CACNA1C: variants seen among roughly 807,000 people sequenced by gnomAD.
The protein encoded by CACNA1C is voltage-dependent L-type calcium channel subunit alpha-1C.
Under a neutral mutation model 229.0 loss-of-function variants are expected in CACNA1C, and 30 were observed. The ratio of observed to expected loss-of-function variants is 0.13; its 90% CI spans 0.10 to 0.18. CACNA1C has a LOEUF of 0.18. Among genes scored for constraint, CACNA1C ranks in the 10% least tolerant of loss-of-function variants. The probability of loss-of-function intolerance (pLI) is 1.00; values close to 1 mark genes in which losing one functional copy is unlikely to be tolerated. For synonymous variants in CACNA1C, 1,114 were observed against 1,132.5 expected (o/e 0.98, Z 0.33); for missense variants, 1,658 against 2,845.0 (o/e 0.58, Z 9.49).
At chr12:2,056,143 G>T (rs1184800225) in intron 1 of CACNA1C, among the ~76,000 whole-genome samples, 1 of 152,070 alleles carries the variant, frequency 6.6e-6, no homozygotes, top group African/African-American at 2.4e-5. Flanking sequence ...GAATGCACCA[G>T]TCCTTGCTCC....
chr12:2,675,017 T>C (rs2096732669), intron 39 of CACNA1C, among the ~76,000 whole-genome samples: 1 of 152,216 alleles, frequency 6.6e-6, no homozygotes, highest in Non-Finnish European at 1.5e-5. Flanking sequence ...AGGATTGCTC[T>C]AAGGCCCTCA....
At chr12:2,558,279 G>C (rs1316954472) in intron 11 of CACNA1C, among the ~76,000 whole-genome samples, 3 of 152,194 alleles carry the variant, frequency 2.0e-5, no homozygotes, top group African/African-American at 7.2e-5. Flanking sequence ...GCTGCATGGG[G>C]CTAGGCTGAA....
intron 3 of CACNA1C, among the ~76,000 whole-genome samples, chr12:2,196,747 A>G (rs1164690841): frequency 6.6e-6 from 1 of 152,228 alleles, no homozygotes; most frequent in Non-Finnish European, 1.5e-5. Context: ...TGTGAGGGCC[A>G]TGAGGAGCAA....
At chr12:2,526,888 C>A (rs2099819361) in intron 9 of CACNA1C, among the ~76,000 whole-genome samples, 1 of 152,306 alleles carries the variant, frequency 6.6e-6, no homozygotes, top group Non-Finnish European at 1.5e-5. Context: ...AGAAAAGTAA[C>A]CCCAGCAAAG....
chr12:2,482,909 T>C (rs1200722076), intron 5 of CACNA1C, among the ~76,000 whole-genome samples: 1 of 152,246 alleles, frequency 6.6e-6, no homozygotes, highest in Non-Finnish European at 1.5e-5. Flanking sequence ...GTTACCCTCC[T>C]GCCTGTGCCT....
intron 5 of CACNA1C, among the ~76,000 whole-genome samples, chr12:2,460,606 T>A (rs146716010): frequency 6.6e-6 from 1 of 152,290 alleles, no homozygotes; most frequent in Non-Finnish European, 1.5e-5. Flanking sequence ...GGTAGACGTG[T>A]CTTGTAGTGG....
chr12:2,238,716 C>T (rs540840500), intron 3 of CACNA1C, among the ~76,000 whole-genome samples: 1 of 152,228 alleles, frequency 6.6e-6, no homozygotes, highest in East Asian at 1.9e-4. Flanking sequence ...AAGGTGTTCC[C>T]CATCTAGGTA....
In CACNA1C at chr12:2,605,444, C is replaced by T. The variant is rs762039976; in HGVS notation, c.3049-235C>T. Among the ~76,000 whole-genome samples, 27 of 152,192 alleles carry T rather than the reference C, an allele frequency of 1.8e-4. No homozygotes were observed. The highest frequency in any genetic ancestry group is 3.7e-4 in the Non-Finnish European group (25 of 68,042). On this transcript the variant is annotated intron_variant, in intron 23 of 46. Coordinates refer to ENST00000399655, the MANE Select transcript of CACNA1C (RefSeq NM_000719.7). This position sits in a 1 kb window ranked among gnomAD's most constrained non-coding sequence, Gnocchi z 6.2. ...GGTGCCACCATCCCTATATTCCTTC[C>T]ACTGTAAGATGGGAGGTTGGCAGGA...
intron 3 of CACNA1C, among the ~76,000 whole-genome samples, chr12:2,191,748 G>A (rs111211641): frequency 0.01 from 1,432 of 141,464 alleles, 22 homozygotes; most frequent in African/African-American, 0.035. Flanking sequence ...GCACACACAT[G>A]CACTCACACA....
chr12:2,014,383 G>A (rs886742093), intron 1 of CACNA1C, among the ~76,000 whole-genome samples: 1 of 152,054 alleles, frequency 6.6e-6, no homozygotes, highest in Non-Finnish European at 1.5e-5. Flanking sequence ...TAGGTAGCAA[G>A]TATTGCTTAT....
At chr12:1,977,642 G>A in intron 1 of CACNA1C, among the ~76,000 whole-genome samples, 1 of 152,152 alleles carries the variant, frequency 6.6e-6, no homozygotes, top group Admixed American at 6.5e-5. Flanking sequence ...TTGCCCATAA[G>A]GGGCCTGTAA....
At chr12:2,051,166 G>A (rs935157167), upstream of CACNA1C, among the ~76,000 whole-genome samples, 2 of 152,218 alleles carry the variant, frequency 1.3e-5, no homozygotes, top group Non-Finnish European at 2.9e-5. Context: ...CACTGAACAG[G>A]TGAGATTTGC....
intron 1 of CACNA1C, chr12:2,004,289 T>C (rs751320069): frequency 6.2e-7 from 1 of 1,613,200 alleles, no homozygotes; most frequent in East Asian, 2.2e-5. Context: ...CACCCACTCG[T>C]TGGCCCGATG....
At chr12:2,402,732 C>T (rs2098693762) in intron 3 of CACNA1C, among the ~76,000 whole-genome samples, 1 of 152,198 alleles carries the variant, frequency 6.6e-6, no homozygotes, top group Non-Finnish European at 1.5e-5. Context: ...ATCCTCCGAA[C>T]CAGACTTGTA....
intron 30 of CACNA1C, among the ~76,000 whole-genome samples, chr12:2,640,918 C>G (rs1015197169): frequency 1.3e-5 from 2 of 152,236 alleles, no homozygotes; most frequent in Admixed American, 6.5e-5. Flanking sequence ...GTCAGCTCAG[C>G]CTGCACGACT....
At position 2,255,012 on chromosome 12, in the gene CACNA1C, A is replaced by G. The variant is rs116473507; in HGVS notation, c.477+134582A>G. On this transcript the variant is annotated intron_variant, in intron 3 of 46. Coordinates refer to ENST00000399655, the MANE Select transcript of CACNA1C (RefSeq NM_000719.7). ...TGTAAAATTGAGGAGCAACAGCCTT[A>G]AATGGAAGCAGCTGTGATTCCCCGC... is the stretch of plus-strand genomic sequence containing the variant. Among the ~76,000 whole-genome samples, 295 of 152,300 alleles carry G rather than the reference A, an allele frequency of 1.9e-3. 2 individuals carry two copies. The highest frequency in any genetic ancestry group is 6.9e-3 in the African/African-American group (287 of 41,568).
chr12:2,334,984 A>T (rs1402762769), intron 3 of CACNA1C, among the ~76,000 whole-genome samples: 1 of 152,136 alleles, frequency 6.6e-6, no homozygotes, highest in Non-Finnish European at 1.5e-5. Flanking sequence ...CCATAGACCT[A>T]TCCAATGGCC....
intron 1 of CACNA1C, among the ~76,000 whole-genome samples, chr12:1,999,234 A>G (rs948755206): frequency 6.6e-6 from 1 of 152,350 alleles, no homozygotes; most frequent in East Asian, 1.9e-4. Flanking sequence ...AGAGCCACTC[A>G]CTGCCTTAGT....
In CACNA1C at chr12:2,653,020, G is replaced by A. The variant is rs1433315953; in HGVS notation, c.4075-815G>A. On this transcript the variant is annotated intron_variant, in intron 32 of 46. Transcript: ENST00000399655. This position sits in a 1 kb window ranked among gnomAD's most constrained non-coding sequence, Gnocchi z 4.7. Reference sequence around the variant, plus strand: ...TGACGGCACCCTCTAGTGACCGGTGGCCACGGCTGAAGCGGCGCCCGGGAA... The same window carrying A: ...TGACGGCACCCTCTAGTGACCGGTGACCACGGCTGAAGCGGCGCCCGGGAA... Among the ~76,000 whole-genome samples the A allele has an allele frequency of 6.6e-6, 1 of 152,218 alleles. No individual in the cohort carries two copies. The highest frequency in any genetic ancestry group is 2.1e-4 in the South Asian group (1 of 4,830).
Sources: gnomAD v4.1 joint callset for allele counts (sites outside exome capture counted in the v4.1 genomes callset) on GRCh38, gnomAD v4.1.1 for gene constraint, Gnocchi (gnomAD v3.1) non-coding constraint, MANE v1.5 for transcripts, NCBI Gene and HGNC (gene_info 2026-07-23, HGNC 2026-07-21) for gene names.